The following CACNA2D3 variants were observed in gnomAD, a reference collection of about 807,000 sequenced individuals.
The protein encoded by CACNA2D3 is calcium voltage-gated channel auxiliary subunit alpha2delta 3, also known as voltage-dependent calcium channel subunit alpha-2/delta-3.
In CACNA2D3, 60 loss-of-function variants were observed where a neutral mutation model predicts 160.6. The ratio of observed to expected loss-of-function variants is 0.37; its 90% CI spans 0.30 to 0.46. CACNA2D3 has a LOEUF of 0.46. CACNA2D3 is among the 20% of genes least tolerant of loss of function. CACNA2D3 has a pLI of 1.00. For synonymous variants in CACNA2D3, 558 were observed against 492.9 expected, an observed-to-expected ratio of 1.13 and a Z score of -1.75; for missense variants, 1,205 against 1,365.0, an observed-to-expected ratio of 0.88 and a Z score of 1.85.
chr3:54,547,883 G>A (rs1480180290), intron 5 of CACNA2D3, among the ~76,000 whole-genome samples: 2 of 151,886 alleles, frequency 1.3e-5, no homozygotes, highest in African/African-American at 4.8e-5. Flanking sequence ...ATGCAGACAT[G>A]GAGTCTTGCT....
intron 4 of CACNA2D3, among the ~76,000 whole-genome samples, chr3:54,486,371 A>T (rs1464217661): frequency 6.6e-6 from 1 of 152,188 alleles, no homozygotes; most frequent in African/African-American, 2.4e-5. Context: ...CCTGGGAGAA[A>T]AACTGAGATT....
chr3:54,634,749 G>A (rs1170352492), intron 10 of CACNA2D3, among the ~76,000 whole-genome samples: 2 of 152,152 alleles, frequency 1.3e-5, no homozygotes, highest in Non-Finnish European at 2.9e-5. Flanking sequence ...ACTTTCACAA[G>A]GTAATGTCAT....
intron 11 of CACNA2D3, among the ~76,000 whole-genome samples, chr3:54,713,170 G>A (rs1700985014): frequency 6.6e-6 from 1 of 152,168 alleles, no homozygotes; most frequent in African/African-American, 2.4e-5. Context: ...TACAGGAACA[G>A]GCTATTGGGA....
chr3:54,636,148 A>G (rs1699365554), intron 10 of CACNA2D3, among the ~76,000 whole-genome samples: 1 of 151,922 alleles, frequency 6.6e-6, no homozygotes, highest in African/African-American at 2.4e-5. Flanking sequence ...AAAGGAAATG[A>G]GAGGTTCTGA....
intron 9 of CACNA2D3, among the ~76,000 whole-genome samples, chr3:54,614,107 G>T (rs901601845): frequency 6.6e-6 from 1 of 152,166 alleles, no homozygotes; most frequent in African/African-American, 2.4e-5. Flanking sequence ...ATAAACATTT[G>T]ATGACTCAAT....
intron 13 of CACNA2D3, among the ~76,000 whole-genome samples, chr3:54,805,288 T>A (rs1297532030): frequency 2.6e-5 from 4 of 151,666 alleles, no homozygotes; most frequent in Admixed American, 1.3e-4. Flanking sequence ...GGATCAACAA[T>A]ATTGATAGAC....
At chr3:54,146,070 G>A (rs970028859) in intron 2 of CACNA2D3, among the ~76,000 whole-genome samples, 4 of 151,962 alleles carry the variant, frequency 2.6e-5, no homozygotes, top group African/African-American at 9.7e-5. Context: ...TATTGTTGTT[G>A]TTATTTAAAT....
At chr3:54,185,543 T>C (rs1700865807) in intron 2 of CACNA2D3, among the ~76,000 whole-genome samples, 1 of 152,198 alleles carries the variant, frequency 6.6e-6, no homozygotes, top group Non-Finnish European at 1.5e-5. Context: ...GGTTAAATTA[T>C]GTTTATTCAC....
At chr3:54,894,913 G>A (rs544519361) in intron 25 of CACNA2D3, among the ~76,000 whole-genome samples, 1 of 151,534 alleles carries the variant, frequency 6.6e-6, no homozygotes, top group African/African-American at 2.4e-5. Context: ...AGATAGCACA[G>A]GGGATCTCTG....
chr3:54,891,405 T>A lies in CACNA2D3; in HGVS notation c.2201T>A (p.Leu734His). 1.2e-6 allele frequency: 2 copies of A among 1,613,906 alleles called. No homozygotes were observed. The highest frequency in any genetic ancestry group is 1.7e-6 in the Non-Finnish European group (2 of 1,179,874). Residue 734 changes from leucine to histidine, a missense_variant, in exon 25 of 38, where the codon CTC (leucine) becomes CAC (histidine). By Grantham distance (99) the Leu-to-His change is moderately conservative. Transcript: ENST00000474759. Reference protein sequence around the residue: ...EVAFLGTRTGLSRINLFVGAE... With the variant: ...EVAFLGTRTGHSRINLFVGAE... ...GCCTTCCTCGGCACTCGCACGGGCCTCTCCAGAATCAACCTGTTTGTCGGG... is the reference window on the plus strand; with the variant it reads ...GCCTTCCTCGGCACTCGCACGGGCCACTCCAGAATCAACCTGTTTGTCGGG...
intron 35 of CACNA2D3, among the ~76,000 whole-genome samples, chr3:55,068,684 T>C (rs77010297): frequency 0.011 from 1,700 of 152,294 alleles, 34 homozygotes; most frequent in African/African-American, 0.038. Flanking sequence ...ATAGAGATCC[T>C]CTTCACCCTG....
chr3:54,624,004 G>A (rs745749844), intron 9 of CACNA2D3, among the ~76,000 whole-genome samples: 1 of 152,118 alleles, frequency 6.6e-6, no homozygotes, highest in Non-Finnish European at 1.5e-5. Flanking sequence ...CTGGGTCAGG[G>A]TGTGGAGGAG....
rs1458876986 is a variant in CACNA2D3, at chr3:54,475,833, G to GTGTGTGTGTGTGTA, written c.382-27655_382-27654insTGTGTGTGTATGTG. On this transcript the variant is annotated intron_variant, in intron 4 of 37. Coordinates refer to ENST00000474759, the MANE Select transcript of CACNA2D3 (RefSeq NM_018398.3). ...TTTGTGTGTGTGTGTGTGTGTGTGT[G>GTGTGTGTGTGTGTA]TGTGACAGAGAGAGAGGAAAACACT... is the stretch of plus-strand genomic sequence containing the variant. Among the ~76,000 whole-genome samples the GTGTGTGTGTGTGTA allele has an allele frequency of 8.6e-5, 13 of 151,620 alleles. No homozygotes were observed. The East Asian group carries it at 2.5e-3, about 29-fold the overall frequency.
At chr3:54,561,391 T>C (rs949247943) in intron 5 of CACNA2D3, among the ~76,000 whole-genome samples, 1 of 152,202 alleles carries the variant, frequency 6.6e-6, no homozygotes, top group African/African-American at 2.4e-5. Flanking sequence ...GTCGTTAGTG[T>C]ATAGGAATGC....
At chr3:54,689,182 G>C (rs776475276) in intron 11 of CACNA2D3, among the ~76,000 whole-genome samples, 39 of 151,872 alleles carry the variant, frequency 2.6e-4, no homozygotes, top group Non-Finnish European at 5.4e-4. Flanking sequence ...TAACACAGTC[G>C]ATCTCGCCCT....
chr3:54,572,136 A>C (rs1278457593), intron 8 of CACNA2D3, among the ~76,000 whole-genome samples: 1 of 129,940 alleles, frequency 7.7e-6, no homozygotes, highest in African/African-American at 2.5e-5. Flanking sequence ...TCTAAGTGAC[A>C]TGGTGGCCGA....
At position 54,931,348 on chromosome 3, in the gene CACNA2D3, G is replaced by A. The variant is rs375032221; in HGVS notation, c.2449+31480G>A. On this transcript the variant is annotated intron_variant, in intron 27 of 37. Transcript: ENST00000474759. Reference sequence around the variant, plus strand: ...ACACATGGCCTGGACTGCCCGCCCCGGACACTTGGATGTGGAGGCTGATTG... The same window carrying A: ...ACACATGGCCTGGACTGCCCGCCCCAGACACTTGGATGTGGAGGCTGATTG... Among the ~76,000 whole-genome samples the A allele has an allele frequency of 4.6e-5, 7 of 152,128 alleles. No individual in the cohort carries two copies. The East Asian group carries it at 9.6e-4, about 21-fold the overall frequency.
intron 11 of CACNA2D3, among the ~76,000 whole-genome samples, chr3:54,740,614 G>C (rs1701630924): frequency 6.6e-6 from 1 of 152,164 alleles, no homozygotes; most frequent in Admixed American, 6.5e-5. Context: ...CTACCTGTCT[G>C]CCTTTTGGAG....
rs9311543 is a variant in CACNA2D3 at position 54,883,799 on chromosome 3, A to ATCTCTCTCTCTC, written c.1913-1469_1913-1458dup. ...TCCTGACCTCCATAGTTACAATGGAATCTCTCTCTCTCTCTCTCTCTCTCC... is the reference window on the plus strand; with the variant it reads ...TCCTGACCTCCATAGTTACAATGGAATCTCTCTCTCTCTCTCTCTCTCTCTCTCTCTCTCTCC... On this transcript the variant is annotated intron_variant, in intron 21 of 37. Transcript: ENST00000474759. Among the ~76,000 whole-genome samples, 1,049 of 107,266 alleles carry ATCTCTCTCTCTC rather than the reference A, an allele frequency of 9.8e-3. 34 individuals carry two copies. Among genetic ancestry groups the ATCTCTCTCTCTC allele is most frequent in the African/African-American group, 0.033 (954 of 28,894 alleles). The allele number at this position is 107,266 out of a possible 152,430, so 70.4% of individuals were successfully genotyped here.
Sources: allele counts gnomAD v4.1 joint callset (sites outside exome capture counted in the v4.1 genomes callset), GRCh38; gene constraint gnomAD v4.1.1; transcripts MANE v1.5; gene names NCBI Gene and HGNC (gene_info 2026-07-23, HGNC 2026-07-21).